Variants in CUBN observed in about 807,000 individuals in gnomAD.
CUBN encodes the protein cubilin, also known as 460 kDa receptor.
A neutral mutation model predicts 405.3 loss-of-function variants in CUBN; 282 were observed. The ratio of observed to expected loss-of-function variants is 0.70; its 90% CI spans 0.63 to 0.77. The LOEUF is 0.77. CUBN is among the 30% of genes least tolerant of loss of function. The pLI, the probability that CUBN is intolerant of heterozygous loss-of-function variation, is 0.00. For missense variants in CUBN, 4,514 were observed against 4,475.2 expected (o/e 1.01, Z -0.25); for synonymous variants, 1,684 against 1,617.0 (o/e 1.04, Z -0.99).
chr10:17,090,297 A>ATCATTGTATTAT (rs1836225677), intron 14 of CUBN, among the ~76,000 whole-genome samples: 1 of 152,158 alleles, frequency 6.6e-6, no homozygotes, highest in South Asian at 2.1e-4. Context: ...AAGAAAGAGG[A>ATCATTGTATTAT]AAATACAATT....
intron 22 of CUBN, among the ~76,000 whole-genome samples, chr10:17,058,530 C>A (rs931464626): frequency 6.6e-6 from 1 of 152,166 alleles, no homozygotes; most frequent in Admixed American, 6.5e-5. Context: ...GGGACCCCTG[C>A]TACACGTATT....
rs373817526 is a variant in CUBN, at chr10:17,043,781, T to A, written c.3829+46A>T. The A allele has an allele frequency of 1.6e-5, 26 of 1,583,086 alleles. No homozygotes were observed. In the African/African-American group the frequency reaches 2.8e-4, roughly 17 times the overall value. On this transcript the variant is annotated intron_variant, in intron 26 of 66. Coordinates refer to ENST00000377833, the MANE Select transcript of CUBN (RefSeq NM_001081.4). ...ACACTTACTCTGCTGGTATTCACAC[T>A]TACTCTGCCAGTATACACACTTACT... is the stretch of plus-strand genomic sequence containing the variant.
At chr10:16,913,121 A>AT (rs1841779593) in intron 48 of CUBN, among the ~76,000 whole-genome samples, 1 of 152,176 alleles carries the variant, frequency 6.6e-6, no homozygotes, top group Non-Finnish European at 1.5e-5. Flanking sequence ...AGACATCAAG[A>AT]TTTTTGACCC....
chr10:16,941,775 G>A (rs1842657575), intron 36 of CUBN, among the ~76,000 whole-genome samples: 1 of 152,146 alleles, frequency 6.6e-6, no homozygotes, highest in Admixed American at 6.5e-5. Context: ...CTGGGAGATA[G>A]AGGCTGAAGT....
chr10:16,925,224 T>C lies in CUBN; in HGVS notation c.6646+17A>G, dbSNP rs1842148712. On this transcript the variant is annotated intron_variant, in intron 43 of 66. Coordinates refer to ENST00000377833, the MANE Select transcript of CUBN (RefSeq NM_001081.4). ...ATTGCAGGAAAAGCAGATATAATTC[T>C]CAGTGAAAATACTTACCTAAACTCT... The C allele has an allele frequency of 6.3e-6, 10 of 1,599,224 alleles. No homozygotes were observed. Among genetic ancestry groups the C allele is most frequent in the Non-Finnish European group, 6.9e-6 (8 of 1,166,812 alleles).
chr10:16,976,375 AT>A (rs972679944), intron 31 of CUBN, among the ~76,000 whole-genome samples: 1 of 151,888 alleles, frequency 6.6e-6, no homozygotes, highest in Non-Finnish European at 1.5e-5. Flanking sequence ...CTTTAAAAAA[AT>A]TTTTTTTACT....
At chr10:16,974,349 G>A (rs1477419753) in intron 31 of CUBN, among the ~76,000 whole-genome samples, 6 of 152,036 alleles carry the variant, frequency 3.9e-5, no homozygotes, top group African/African-American at 1.2e-4. Context: ...TTATTTTAAT[G>A]TCTTGCCTGG....
At chr10:16,920,618 T>G (rs1842007955) in intron 43 of CUBN, among the ~76,000 whole-genome samples, 1 of 152,196 alleles carries the variant, frequency 6.6e-6, no homozygotes, top group Non-Finnish European at 1.5e-5. Context: ...AGGATTTAGA[T>G]GCATTTGAGA....
chr10:16,890,275 C>G, intron 55 of CUBN, 96 bp downstream of exon 55: 1 of 1,190,724 alleles, frequency 8.4e-7, no homozygotes, highest in South Asian at 1.2e-5. Context: ...GACCCCCATA[C>G]TCCTCCCCTA....
At chr10:17,086,548 A>G (rs1836113878) in intron 15 of CUBN, among the ~76,000 whole-genome samples, 1 of 152,184 alleles carries the variant, frequency 6.6e-6, no homozygotes, top group African/African-American at 2.4e-5. Flanking sequence ...TTTGATAGTA[A>G]GTAAGTACTA....
intron 58 of CUBN, among the ~76,000 whole-genome samples, chr10:16,873,895 T>C (rs77065187): frequency 0.025 from 3,820 of 152,278 alleles, 66 homozygotes; most frequent in Non-Finnish European, 0.039. Flanking sequence ...AGTTTCCTCA[T>C]CAGTGAAATG....
At position 17,127,886 on chromosome 10, in the gene CUBN, C is replaced by G; in HGVS notation, c.291G>C (p.Gly97=). The change falls in exon 3 of 67, where the codon GGG becomes GGC. Residue 97 remains glycine, a synonymous_variant. Transcript: ENST00000377833. ...TATTTTGAGGCAGACCAATTGCACTCCCTTTTAACTCTATAATATCTTCTT... is the reference window on the plus strand; with the variant it reads ...TATTTTGAGGCAGACCAATTGCACTGCCTTTTAACTCTATAATATCTTCTT... The part of the protein sequence containing the change: ...KNKEDIIELK[G]SAIGLPQNIS... The G allele has an allele frequency of 6.2e-7, 1 of 1,612,080 alleles. No homozygotes were observed. Among genetic ancestry groups the G allele is most frequent in the Non-Finnish European group, 8.5e-7 (1 of 1,178,680 alleles).
intron 52 of CUBN, 90 bp downstream of exon 52, chr10:16,901,248 T>A: frequency 6.4e-7 from 1 of 1,566,374 alleles, no homozygotes; most frequent in Non-Finnish European, 8.8e-7. Flanking sequence ...CTCTAATCAC[T>A]TGCTTAATAA....
At chr10:16,906,497 C>G in intron 49 of CUBN, 88 bp from the exon 50 acceptor site, 2 of 919,348 alleles carry the variant, frequency 2.2e-6, no homozygotes, top group Non-Finnish European at 3.6e-6. Context: ...GTAACTAAAA[C>G]ATCAACATTA....
chr10:16,999,229 C>A (rs753906052), intron 28 of CUBN, among the ~76,000 whole-genome samples: 1 of 152,098 alleles, frequency 6.6e-6, no homozygotes, highest in South Asian at 2.1e-4. Flanking sequence ...TGGCCTAGAT[C>A]TAAATACTGA....
chr10:16,863,295 T>G (rs2131357056), intron 59 of CUBN, among the ~76,000 whole-genome samples: 1 of 152,238 alleles, frequency 6.6e-6, no homozygotes, highest in Admixed American at 6.5e-5. Flanking sequence ...CTTAGTTGGG[T>G]TTTTCTTTAA....
intron 29 of CUBN, among the ~76,000 whole-genome samples, chr10:16,987,638 T>G (rs1419641427): frequency 6.6e-6 from 1 of 152,194 alleles, no homozygotes; most frequent in East Asian, 1.9e-4. Context: ...TTGACTACAC[T>G]CACATGCAGG....
At chr10:17,088,439 T>C in intron 14 of CUBN, 94 bp from the exon 15 acceptor site, 1 of 994,676 alleles carries the variant, frequency 1.0e-6, no homozygotes. Context: ...CCAAACTTTG[T>C]TTAAATAACT....
chr10:16,863,052 T>C (rs569230479), intron 59 of CUBN, among the ~76,000 whole-genome samples: 32 of 152,344 alleles, frequency 2.1e-4, no homozygotes, highest in Non-Finnish European at 3.7e-4. Flanking sequence ...AACCTTTCCT[T>C]TCTTCTTGCT....
Sources: allele counts gnomAD v4.1 joint callset (sites outside exome capture counted in the v4.1 genomes callset), GRCh38; gene constraint gnomAD v4.1.1; transcripts MANE v1.5; gene names NCBI Gene and HGNC (gene_info 2026-07-23, HGNC 2026-07-21).